The following RNFT2 variants were observed in gnomAD, a reference collection of about 807,000 sequenced individuals.
The protein encoded by RNFT2 is E3 ubiquitin-protein ligase RNFT2.
A neutral mutation model predicts 53.0 loss-of-function variants in RNFT2; 36 were observed. The observed-to-expected ratio is 0.68, with a 90% CI of 0.52 to 0.90. RNFT2 has a LOEUF of 0.90. Ranked by LOEUF, RNFT2 falls within the 40% of genes least tolerant of loss-of-function variation. The pLI, the probability that RNFT2 is intolerant of heterozygous loss-of-function variation, is 0.00. For missense variants in RNFT2, 514 were observed against 585.6 expected, an observed-to-expected ratio of 0.88 and a Z score of 1.26; for synonymous variants, 260 against 253.2, an observed-to-expected ratio of 1.03 and a Z score of -0.26.
At chr12:116,834,873 C>T (rs1233922974) in intron 8 of RNFT2, among the ~76,000 whole-genome samples, 1 of 145,088 alleles carries the variant, frequency 6.9e-6, no homozygotes, top group African/African-American at 2.6e-5. Context: ...TTTTTTAGAC[C>T]GAGTCTCGCT....
intron 7 of RNFT2, among the ~76,000 whole-genome samples, chr12:116,790,732 G>A (rs939998305): frequency 6.6e-6 from 1 of 152,220 alleles, no homozygotes; most frequent in African/African-American, 2.4e-5. Context: ...CAAGTTGGGA[G>A]GATCTCTTGA....
Position 116,743,213 on chromosome 12 carries a change from T to TAAAAAAAAAAAAAAAAAA in RNFT2, c.83+2133_83+2150dup, listed in dbSNP as rs762013507. Among the ~76,000 whole-genome samples, 42 of 10,674 alleles carry TAAAAAAAAAAAAAAAAAA rather than the reference T, an allele frequency of 3.9e-3. 8 individuals are homozygous for TAAAAAAAAAAAAAAAAAA. Among genetic ancestry groups the TAAAAAAAAAAAAAAAAAA allele is most frequent in the Non-Finnish European group, 4.8e-3 (28 of 5,808 alleles). The allele number at this position is 10,674 out of a possible 152,430, so 7.0% of individuals were successfully genotyped here. On this transcript the variant is annotated intron_variant, in intron 3 of 10. Coordinates refer to ENST00000257575, the MANE Select transcript of RNFT2 (RefSeq NM_001382266.1). ...TGATTAATAGATACCAGGTAGAATCTAAAAAAAAAAAAAAAAAAAAAAAAA... is the reference window on the plus strand; with the variant it reads ...TGATTAATAGATACCAGGTAGAATCTAAAAAAAAAAAAAAAAAAAAAAAAAAAAAAAAAAAAAAAAAAA...
rs752019905 is a variant in RNFT2, at chr12:116,853,505, A to C, written c.*4057A>C. 7.3e-6 allele frequency: 2 copies of C among 272,840 alleles called. No individual in the cohort carries two copies. The highest frequency in any genetic ancestry group is 1.4e-5 in the Non-Finnish European group (2 of 147,158). The allele number at this position is 272,840 out of a possible 1,614,324, so 16.9% of individuals were successfully genotyped here. On this transcript the variant is annotated 3_prime_UTR_variant, in exon 11 of 11. Transcript: ENST00000257575. ...GGCTGCTGAGACTCGGGATTAGAAG[A>C]AAGAGAGGTAAATAAAGTGGGTCCT...
intron 6 of RNFT2, among the ~76,000 whole-genome samples, chr12:116,770,822 T>C (rs2137105004): frequency 6.6e-6 from 1 of 152,222 alleles, no homozygotes; most frequent in South Asian, 2.1e-4. Context: ...GCCTCCCAAA[T>C]GGCTCACAGG....
chr12:116,774,770 C>CGCGTGGA (rs1873350320), intron 6 of RNFT2, among the ~76,000 whole-genome samples: 2 of 121,294 alleles, frequency 1.6e-5, no homozygotes, highest in African/African-American at 3.2e-5. Context: ...TGTCAAGGTC[C>CGCGTGGA]GGGTGGAGGG....
chr12:116,803,094 TAAAA>T (rs11285914), intron 7 of RNFT2, among the ~76,000 whole-genome samples: 1 of 150,476 alleles, frequency 6.6e-6, no homozygotes, highest in Non-Finnish European at 1.5e-5. Flanking sequence ...GACCCTGTCT[TAAAA>T]AAAAAAATCA....
chr12:116,752,359 T>C lies in RNFT2; in HGVS notation c.551-1625T>C, dbSNP rs76206335. ...TTCCTAGAAGTGAAAGCTGGCATCT[T>C]CCCCACTACCCTGAATTCTGGCATC... On this transcript the variant is annotated intron_variant, in intron 4 of 10. Coordinates refer to ENST00000257575, the MANE Select transcript of RNFT2 (RefSeq NM_001382266.1). 2.0e-3 allele frequency among the ~76,000 whole-genome samples: 298 copies of C among 152,298 alleles called. 4 individuals are homozygous for C. Among genetic ancestry groups the C allele is most frequent in the African/African-American group, 7.0e-3 (290 of 41,570 alleles).
intron 6 of RNFT2, among the ~76,000 whole-genome samples, chr12:116,769,341 C>G (rs536879903): frequency 6.6e-6 from 1 of 152,224 alleles, no homozygotes; most frequent in African/African-American, 2.4e-5. Context: ...CAGAGTGAGA[C>G]TCCGTCTTAA....
intron 3 of RNFT2, among the ~76,000 whole-genome samples, chr12:116,741,295 A>G (rs2137059567): frequency 6.6e-6 from 1 of 152,368 alleles, no homozygotes; most frequent in East Asian, 1.9e-4. Context: ...TAGGTGAGCC[A>G]CCTGACTCAT....
Position 116,851,900 on chromosome 12 carries a change from A to C in RNFT2, c.*2452A>C. 1 of 1,536,182 alleles carries C rather than the reference A, an allele frequency of 6.5e-7. No homozygotes were observed. The highest frequency in any genetic ancestry group is 8.7e-7 in the Non-Finnish European group (1 of 1,146,792). ...CTGTCATCTCCCTCACTTAAGTCTC[A>C]GGCCTGTCAGCAGCTCCTGTGGACA... On this transcript the variant is annotated 3_prime_UTR_variant, in exon 11 of 11. Coordinates refer to ENST00000257575, the MANE Select transcript of RNFT2 (RefSeq NM_001382266.1).
At position 116,799,671 on chromosome 12, in the gene RNFT2, C is replaced by T. The variant is rs569558219; in HGVS notation, c.882+20323C>T. Among the ~76,000 whole-genome samples the T allele has an allele frequency of 2.4e-4, 36 of 152,280 alleles. No individual in the cohort carries two copies. In the South Asian group the frequency reaches 4.1e-3, roughly 18 times the overall value. ...GATTCCTCAGCTGGGCACGATGGCT[C>T]ATGCCTGTAATCCCTTTTTTTGGTA... On this transcript the variant is annotated intron_variant, in intron 7 of 10. Transcript: ENST00000257575.
intron 7 of RNFT2, among the ~76,000 whole-genome samples, chr12:116,781,737 G>T (rs532419192): frequency 6.6e-6 from 1 of 152,024 alleles, no homozygotes; most frequent in Non-Finnish European, 1.5e-5. Context: ...CATCAGCAAA[G>T]TCTCTTTTGC....
intron 7 of RNFT2, among the ~76,000 whole-genome samples, chr12:116,817,666 C>T (rs1373163160): frequency 6.6e-6 from 1 of 152,116 alleles, no homozygotes; most frequent in East Asian, 1.9e-4. Context: ...TGAAAAGCAC[C>T]ACAGGGACTT....
intron 7 of RNFT2, among the ~76,000 whole-genome samples, chr12:116,814,126 C>T (rs538911046): frequency 7.9e-4 from 121 of 152,264 alleles, no homozygotes; most frequent in Non-Finnish European, 1.6e-3. Flanking sequence ...GTCATGGCAA[C>T]ATTGTAGAAG....
intron 4 of RNFT2, among the ~76,000 whole-genome samples, chr12:116,750,868 TATAATATATATA>T (rs1872195510): frequency 8.3e-4 from 2 of 2,408 alleles, no homozygotes; most frequent in South Asian, 0.042. Context: ...ATTATATATA[TATAATATATATA>T]TTATATATAT....
chr12:116,846,237 T>C (rs767104150), intron 10 of RNFT2, among the ~76,000 whole-genome samples: 1 of 152,146 alleles, frequency 6.6e-6, no homozygotes, highest in Non-Finnish European at 1.5e-5. Flanking sequence ...GAGCACTTAC[T>C]ATTTGCCAGT....
At chr12:116,811,086 C>T (rs1875350137) in intron 7 of RNFT2, among the ~76,000 whole-genome samples, 1 of 152,108 alleles carries the variant, frequency 6.6e-6, no homozygotes, top group Non-Finnish European at 1.5e-5. Context: ...GCCTCAGTTT[C>T]CTCATCTGTA....
chr12:116,825,758 T>G (rs1876295669), intron 7 of RNFT2, among the ~76,000 whole-genome samples: 1 of 152,156 alleles, frequency 6.6e-6, no homozygotes, highest in South Asian at 2.1e-4. Context: ...TATGTGTGTA[T>G]GTATGTGTGT....
chr12:116,825,111 G>A (rs1876257149), intron 7 of RNFT2, among the ~76,000 whole-genome samples: 1 of 152,106 alleles, frequency 6.6e-6, no homozygotes, highest in South Asian at 2.1e-4. Context: ...TGGCAGGAAT[G>A]GCCTTCTTAA....
Sources: gnomAD v4.1 joint callset for allele counts (sites outside exome capture counted in the v4.1 genomes callset) on GRCh38, gnomAD v4.1.1 for gene constraint, MANE v1.5 for transcripts, NCBI Gene and HGNC (gene_info 2026-07-23, HGNC 2026-07-21) for gene names.